Variants in PLEKHA5 observed in about 807,000 individuals in gnomAD.
The protein encoded by PLEKHA5 is pleckstrin homology domain containing A5.
In PLEKHA5, 55 loss-of-function variants were observed where a neutral mutation model predicts 181.9. That is an observed-to-expected ratio of 0.30 (90% confidence interval 0.24 to 0.38). The LOEUF is 0.38. PLEKHA5 is among the 10% of genes least tolerant of loss of function. PLEKHA5 has a pLI of 1.00. For missense variants in PLEKHA5, 1,432 were observed against 1,549.5 expected (o/e 0.92, Z 1.27); for synonymous variants, 535 against 529.4 (o/e 1.01, Z -0.15).
intron 3 of PLEKHA5, among the ~76,000 whole-genome samples, chr12:19,136,359 C>G (rs1171175721): frequency 6.6e-6 from 1 of 152,060 alleles, no homozygotes; most frequent in Non-Finnish European, 1.5e-5. Flanking sequence ...TTAATTTATG[C>G]TGTTATCTTT....
chr12:19,278,948 ATTTAG>A (rs923394096), intron 11 of PLEKHA5, among the ~76,000 whole-genome samples: 2 of 152,196 alleles, frequency 1.3e-5, no homozygotes, highest in African/African-American at 4.8e-5. Flanking sequence ...GATGAAGGAA[ATTTAG>A]TTTAGGAGAA....
In PLEKHA5 at chr12:19,347,179, C is replaced by T. The variant is rs2094375487; in HGVS notation, c.2895C>T (p.His965=). 1 of 1,525,764 alleles carries T rather than the reference C, an allele frequency of 6.6e-7. No homozygotes were observed. Among genetic ancestry groups the T allele is most frequent in the Non-Finnish European group, 8.9e-7 (1 of 1,124,632 alleles). The allele number at this position is 1,525,764 out of a possible 1,614,324, so 94.5% of individuals were successfully genotyped here. A position where few individuals can be genotyped will look rare whatever the true frequency, so the allele number is the denominator to read the frequency against. ...QVQGYPRNGS[H]CGPDYRLYKS... is the part of the protein sequence containing the mutation. ...AAGGATATCCAAGAAATGGATCTCA[C>T]TGTGTAAGTGGCTGGAATAGCCACA... The change falls in exon 24 of 32, where the codon CAC becomes CAT. Residue 965 remains histidine (H), a synonymous_variant. Coordinates refer to ENST00000429027, the MANE Select transcript of PLEKHA5 (RefSeq NM_001256470.2).
chr12:19,244,697 A>G (rs1343663094), intron 3 of PLEKHA5, among the ~76,000 whole-genome samples: 2 of 152,242 alleles, frequency 1.3e-5, no homozygotes, highest in African/African-American at 4.8e-5. Context: ...GTAAGAAACA[A>G]CTGAAATCTC....
intron 3 of PLEKHA5, chr12:19,149,638 G>T (rs960883188): frequency 6.6e-6 from 1 of 152,328 alleles, no homozygotes; most frequent in Non-Finnish European, 1.5e-5. Context: ...TTTCTGTGGG[G>T]CCTGCTCTTA....
chr12:19,207,918 T>G (rs925605707), intron 3 of PLEKHA5, among the ~76,000 whole-genome samples: 1 of 152,182 alleles, frequency 6.6e-6, no homozygotes, highest in Non-Finnish European at 1.5e-5. Flanking sequence ...AATAGTTATA[T>G]AAGTTAAAAT....
intron 3 of PLEKHA5, among the ~76,000 whole-genome samples, chr12:19,199,752 G>A (rs979702638): frequency 1.3e-5 from 2 of 152,142 alleles, no homozygotes; most frequent in Non-Finnish European, 2.9e-5. Flanking sequence ...TTCTGAAGCT[G>A]TGTGTAGCTG....
intron 31 of PLEKHA5, chr12:19,371,959 C>G (rs1156896153): frequency 6.6e-6 from 1 of 152,226 alleles, no homozygotes; most frequent in Non-Finnish European, 1.5e-5. Context: ...CTCACCACAT[C>G]CATACCAACA....
At chr12:19,212,864 C>T (rs11044451) in intron 3 of PLEKHA5, among the ~76,000 whole-genome samples, 113,755 of 147,892 alleles carry the variant, frequency 0.77, 45,091 homozygotes, top group Non-Finnish European at 0.87. Flanking sequence ...TTTCAGGCTC[C>T]CGGAGACTGT....
chr12:19,186,387 G>C (rs188345836), intron 3 of PLEKHA5, among the ~76,000 whole-genome samples: 1 of 152,124 alleles, frequency 6.6e-6, no homozygotes, highest in Non-Finnish European at 1.5e-5. Flanking sequence ...GAGGGTGATT[G>C]TTTCTTTCTG....
At chr12:19,143,314 T>TA (rs2037975716) in intron 3 of PLEKHA5, among the ~76,000 whole-genome samples, 1 of 152,230 alleles carries the variant, frequency 6.6e-6, no homozygotes, top group South Asian at 2.1e-4. Context: ...TTAAAGTTAG[T>TA]AAAGAAATAC....
intron 15 of PLEKHA5, among the ~76,000 whole-genome samples, chr12:19,298,941 G>A (rs747228974): frequency 2.0e-5 from 3 of 152,194 alleles, no homozygotes; most frequent in East Asian, 1.9e-4. Flanking sequence ...AAGTGAGGCC[G>A]AGTCTCCTCT....
chr12:19,255,220 C>G, intron 5 of PLEKHA5, 55 bp downstream of exon 5: 1 of 1,073,568 alleles, frequency 9.3e-7, no homozygotes, highest in East Asian at 2.7e-5. Context: ...GTATCTATAC[C>G]GTTACTCATA....
intron 3 of PLEKHA5, among the ~76,000 whole-genome samples, chr12:19,229,328 C>T (rs915702327): frequency 5.9e-5 from 9 of 152,126 alleles, no homozygotes; most frequent in Non-Finnish European, 7.3e-5. Context: ...CGGACCCTTG[C>T]GGTGAGTGTT....
intron 3 of PLEKHA5, among the ~76,000 whole-genome samples, chr12:19,198,201 A>G (rs936212473): frequency 6.6e-6 from 1 of 152,218 alleles, no homozygotes; most frequent in African/African-American, 2.4e-5. Context: ...GTGGCTTTCC[A>G]TAGCACTTAG....
chr12:19,193,179 A>G (rs577746837), intron 3 of PLEKHA5, among the ~76,000 whole-genome samples: 2 of 152,180 alleles, frequency 1.3e-5, no homozygotes, highest in Non-Finnish European at 2.9e-5. Flanking sequence ...CTTTAAACAT[A>G]AGAGGGTGCA....
chr12:19,367,877 C>T (rs1008522453), intron 30 of PLEKHA5, among the ~76,000 whole-genome samples: 6 of 151,638 alleles, frequency 4.0e-5, no homozygotes, highest in Non-Finnish European at 5.9e-5. Context: ...TGAGCCACTG[C>T]GCCCGGCCCA....
intron 14 of PLEKHA5, 88 bp from the exon 15 acceptor site, chr12:19,291,556 T>C: frequency 1.4e-6 from 1 of 732,724 alleles, no homozygotes; most frequent in Non-Finnish European, 2.3e-6. Flanking sequence ...TGTAGTAAAT[T>C]ACCTGTTTTT....
At chr12:19,137,209 G>A (rs1464208181) in intron 3 of PLEKHA5, among the ~76,000 whole-genome samples, 1 of 151,940 alleles carries the variant, frequency 6.6e-6, no homozygotes, top group Non-Finnish European at 1.5e-5. Flanking sequence ...CTAATTTTTT[G>A]TATTTTTAGT....
At chr12:19,368,380 G>T (rs1346223438) in intron 30 of PLEKHA5, among the ~76,000 whole-genome samples, 1 of 152,174 alleles carries the variant, frequency 6.6e-6, no homozygotes, top group Non-Finnish European at 1.5e-5. Flanking sequence ...TATAGACCCA[G>T]CTTCTCAGGA....
Sources: allele counts gnomAD v4.1 joint callset (sites outside exome capture counted in the v4.1 genomes callset), GRCh38; gene constraint gnomAD v4.1.1; transcripts MANE v1.5; gene names NCBI Gene and HGNC (gene_info 2026-07-23, HGNC 2026-07-21).